Variants in VEGFC observed in about 807,000 individuals in gnomAD.
VEGFC encodes FLT4 ligand DHM.
A neutral mutation model predicts 46.1 loss-of-function variants in VEGFC; 12 were observed. That is an observed-to-expected ratio of 0.26 (90% CI 0.17 to 0.42). VEGFC has a LOEUF of 0.42. Among genes scored for constraint, VEGFC ranks in the 10% least tolerant of loss-of-function variants. The pLI is 1.00. For missense variants in VEGFC, 488 were observed against 529.4 expected (o/e 0.92, Z 0.77); for synonymous variants, 232 against 195.5 (o/e 1.19, Z -1.56).
chr4:176,689,195 A>C (rs1425526343), intron 4 of VEGFC: 1 of 152,218 alleles, frequency 6.6e-6, no homozygotes, highest in Non-Finnish European at 1.5e-5. Flanking sequence ...GTTGAGTTAC[A>C]TTCCAAATTG....
At position 176,733,162 on chromosome 4, in the gene VEGFC, T is replaced by C. The variant is rs563436077; in HGVS notation, c.148-3416A>G. Among the ~76,000 whole-genome samples, 4 of 152,042 alleles carry C rather than the reference T, an allele frequency of 2.6e-5. No individual in the cohort carries two copies. The East Asian group carries it at 7.7e-4, about 29-fold the overall frequency. ...CAACTGGAACTCTCACATGTTGCTG[T>C]TGAAAATGTAAATCTGTACAGCCAC... On this transcript the variant is annotated intron_variant, in intron 1 of 6. Coordinates refer to ENST00000618562, the MANE Select transcript of VEGFC (RefSeq NM_005429.5).
At chr4:176,754,473 C>T (rs146735481) in intron 1 of VEGFC, among the ~76,000 whole-genome samples, 335 of 152,122 alleles carry the variant, frequency 2.2e-3, no homozygotes, top group African/African-American at 7.5e-3. Context: ...TTTCTAGCTT[C>T]TAGAAGCTCC....
chr4:176,714,606 C>T (rs1370119988), intron 3 of VEGFC, among the ~76,000 whole-genome samples: 1 of 152,160 alleles, frequency 6.6e-6, no homozygotes, highest in Admixed American at 6.5e-5. Context: ...AGATAACTAA[C>T]AGCTATTGTA....
chr4:176,753,080 ACCTCTAG>A (rs1170042129), intron 1 of VEGFC, among the ~76,000 whole-genome samples: 2 of 152,054 alleles, frequency 1.3e-5, no homozygotes, highest in Non-Finnish European at 1.5e-5. Flanking sequence ...CGCCTCTCCT[ACCTCTAG>A]CCTGATCCTG....
chr4:176,752,251 C>T (rs1376438093), intron 1 of VEGFC, among the ~76,000 whole-genome samples: 1 of 151,944 alleles, frequency 6.6e-6, no homozygotes, highest in East Asian at 1.9e-4. Context: ...GGCAGACAGG[C>T]TGCCCCGGAT....
Position 176,727,746 on chromosome 4 carries a change from T to C in VEGFC, c.552+32A>G, listed in dbSNP as rs748893344. On this transcript the variant is annotated intron_variant, in intron 3 of 6. Transcript: ENST00000618562. ...AGTTAAAGCTTCTGATTAAGGGGGC[T>C]CTCGCAGGTAGCAGGAATGGGCAAT... The C allele has an allele frequency of 6.3e-6, 10 of 1,582,584 alleles. No individual in the cohort carries two copies. The Admixed American group carries it at 1.8e-4, about 28-fold the overall frequency.
intron 4 of VEGFC, among the ~76,000 whole-genome samples, chr4:176,693,165 G>A (rs923845097): frequency 6.6e-6 from 1 of 151,820 alleles, no homozygotes; most frequent in African/African-American, 2.4e-5. Flanking sequence ...GGCTTCAGAC[G>A]ATCAAATTAC....
chr4:176,764,459 G>A (rs957824784), intron 1 of VEGFC, among the ~76,000 whole-genome samples: 7 of 152,138 alleles, frequency 4.6e-5, no homozygotes, highest in Non-Finnish European at 8.8e-5. Context: ...TCCTTTTGAG[G>A]CACTAAGTTT....
intron 1 of VEGFC, among the ~76,000 whole-genome samples, chr4:176,773,771 C>T (rs1423922571): frequency 6.6e-6 from 1 of 152,128 alleles, no homozygotes; most frequent in Non-Finnish European, 1.5e-5. Flanking sequence ...CAGCCTTGGA[C>T]TCCTAGGTTT....
chr4:176,718,470 A>T (rs1734730467), intron 3 of VEGFC, among the ~76,000 whole-genome samples: 1 of 152,162 alleles, frequency 6.6e-6, no homozygotes, highest in African/African-American at 2.4e-5. Flanking sequence ...CTTAAATATA[A>T]TCGAGCATGT....
rs138390259 is a variant in VEGFC at position 176,735,213 on chromosome 4, T to G, written c.148-5467A>C. Among the ~76,000 whole-genome samples, 3 of 152,074 alleles carry G rather than the reference T, an allele frequency of 2.0e-5. No individual in the cohort carries two copies. The East Asian group carries it at 5.8e-4, about 29-fold the overall frequency. On this transcript the variant is annotated intron_variant, in intron 1 of 6. Transcript: ENST00000618562. ...TATTATAATTTCTGAAAACCAGTCT[T>G]TCAGGTATAAATGGAAATCTGTCTT...
chr4:176,697,700 G>A (rs1353169153), intron 4 of VEGFC, among the ~76,000 whole-genome samples: 1 of 151,622 alleles, frequency 6.6e-6, no homozygotes, highest in Non-Finnish European at 1.5e-5. Context: ...GTTTATTGCG[G>A]CATTATTCAC....
At chr4:176,706,826 T>C (rs1382532710) in intron 4 of VEGFC, among the ~76,000 whole-genome samples, 3 of 152,174 alleles carry the variant, frequency 2.0e-5, no homozygotes, top group Non-Finnish European at 4.4e-5. Flanking sequence ...CATTAACTAC[T>C]GTCACAATCA....
At chr4:176,700,403 T>C (rs1369317473) in intron 4 of VEGFC, among the ~76,000 whole-genome samples, 4 of 150,520 alleles carry the variant, frequency 2.7e-5, no homozygotes. Context: ...GGCAACAGCA[T>C]GAGACTCTCG....
chr4:176,735,166 C>A (rs972095922), intron 1 of VEGFC, among the ~76,000 whole-genome samples: 2 of 151,822 alleles, frequency 1.3e-5, no homozygotes, highest in Admixed American at 6.6e-5. Flanking sequence ...GATCCAAATA[C>A]AATTTTTAAA....
chr4:176,747,477 T>C (rs1459694701), intron 1 of VEGFC, among the ~76,000 whole-genome samples: 1 of 152,008 alleles, frequency 6.6e-6, no homozygotes, highest in African/African-American at 2.4e-5. Flanking sequence ...ATTAGGCTTC[T>C]TAAGTGCACC....
chr4:176,722,099 T>C (rs1483909457), intron 3 of VEGFC, among the ~76,000 whole-genome samples: 5 of 152,060 alleles, frequency 3.3e-5, no homozygotes, highest in African/African-American at 1.2e-4. Flanking sequence ...AATATTGTGA[T>C]TATTGTAAAT....
intron 1 of VEGFC, among the ~76,000 whole-genome samples, chr4:176,740,500 CTATA>C (rs1218329627): frequency 2.0e-5 from 1 of 50,972 alleles, no homozygotes; most frequent in Non-Finnish European, 8.1e-5. Context: ...GTATATATAA[CTATA>C]TATTCTATAT....
chr4:176,695,628 A>G (rs1039137343), intron 4 of VEGFC, among the ~76,000 whole-genome samples: 1 of 152,206 alleles, frequency 6.6e-6, no homozygotes, highest in Non-Finnish European at 1.5e-5. Context: ...AACTCATTTT[A>G]TGAGGCCAGC....
Sources: gnomAD v4.1 joint callset for allele counts (sites outside exome capture counted in the v4.1 genomes callset) on GRCh38, gnomAD v4.1.1 for gene constraint, MANE v1.5 for transcripts, NCBI Gene and HGNC (gene_info 2026-07-23, HGNC 2026-07-21) for gene names.